Variants in NMNAT3 observed in about 807,000 individuals in gnomAD.
The protein encoded by NMNAT3 is nicotinamide/nicotinic acid mononucleotide adenylyltransferase 3.
NMNAT3 carries 21 observed loss-of-function variants against 24.8 expected under a neutral mutation model. The ratio of observed to expected loss-of-function variants is 0.85; its 90% CI spans 0.60 to 1.22. NMNAT3 has a LOEUF of 1.22. NMNAT3 is among the 50% of genes most tolerant of loss of function. NMNAT3 has a pLI of 0.00. For synonymous variants in NMNAT3, 136 were observed against 155.2 expected, an observed-to-expected ratio of 0.88 and a Z score of 0.92; for missense variants, 387 against 436.6, an observed-to-expected ratio of 0.89 and a Z score of 1.01.
intron 1 of NMNAT3, among the ~76,000 whole-genome samples, chr3:139,657,911 C>G (rs553085883): frequency 1.3e-5 from 2 of 151,888 alleles, no homozygotes; most frequent in East Asian, 3.9e-4. Context: ...TGAGTGTGCT[C>G]TGGGGCTCCC....
intron 1 of NMNAT3, among the ~76,000 whole-genome samples, chr3:139,643,434 C>T (rs2056772009): frequency 6.6e-6 from 1 of 152,194 alleles, no homozygotes; most frequent in Admixed American, 6.5e-5. Context: ...CAGCATTATT[C>T]ACAGTAGCCA....
intron 3 of NMNAT3, among the ~76,000 whole-genome samples, chr3:139,595,790 C>A (rs1460056391): frequency 6.6e-6 from 1 of 152,152 alleles, no homozygotes; most frequent in African/African-American, 2.4e-5. Context: ...CCCTTCCTTA[C>A]ACCTTATACA....
chr3:139,659,750 C>G (rs2057356329), intron 1 of NMNAT3, among the ~76,000 whole-genome samples: 1 of 152,214 alleles, frequency 6.6e-6, no homozygotes, highest in South Asian at 2.1e-4. Flanking sequence ...CCCCACAACC[C>G]AAGCCTTTCA....
chr3:139,623,869 G>A (rs1208617303), intron 3 of NMNAT3, among the ~76,000 whole-genome samples: 1 of 152,132 alleles, frequency 6.6e-6, no homozygotes, highest in African/African-American at 2.4e-5. Flanking sequence ...GAACCACCAT[G>A]CCCGGCCTAT....
intron 3 of NMNAT3, among the ~76,000 whole-genome samples, chr3:139,601,278 G>A (rs1019231587): frequency 1.3e-5 from 2 of 152,212 alleles, no homozygotes; most frequent in African/African-American, 4.8e-5. Context: ...GCAGTAACAG[G>A]AATTTGAGGT....
intron 3 of NMNAT3, among the ~76,000 whole-genome samples, chr3:139,597,512 C>G (rs1215184060): frequency 2.0e-5 from 3 of 152,176 alleles, no homozygotes; most frequent in Non-Finnish European, 4.4e-5. Context: ...TAACCTACTA[C>G]TTTATATGGG....
intron 3 of NMNAT3, among the ~76,000 whole-genome samples, chr3:139,586,755 G>A (rs549515386): frequency 1.2e-3 from 180 of 152,242 alleles, no homozygotes; most frequent in African/African-American, 3.5e-3. Context: ...CAGAAAACCC[G>A]GGGAATCAGA....
intron 3 of NMNAT3, among the ~76,000 whole-genome samples, chr3:139,620,755 C>G (rs893009978): frequency 1.6e-4 from 25 of 151,936 alleles, no homozygotes; most frequent in Admixed American, 5.9e-4. Flanking sequence ...ACTCTGTTGT[C>G]CTGATATCAC....
intron 2 of NMNAT3, among the ~76,000 whole-genome samples, chr3:139,634,131 C>T (rs1241222426): frequency 6.6e-6 from 1 of 152,214 alleles, no homozygotes; most frequent in Non-Finnish European, 1.5e-5. Context: ...AGTGTGCACC[C>T]CTCAGCCCAT....
Position 139,560,891 on chromosome 3 carries a change from T to G in NMNAT3, c.*119A>C. ...GAAGACTCCTCAGAAGTAGAATCAC[T>G]GTAGAAATAAAGCAAATGAAAAATG... On this transcript the variant is annotated 3_prime_UTR_variant, in exon 7 of 7. Transcript: ENST00000643695. 2 of 999,616 alleles carry G rather than the reference T, an allele frequency of 2.0e-6. No homozygotes were observed. The highest frequency in any genetic ancestry group is 1.6e-5 in the South Asian group (1 of 63,168). 61.9% of individuals were successfully genotyped at this position (999,616 alleles called of 1,614,324 possible).
At chr3:139,591,561 A>G (rs1490851818) in intron 3 of NMNAT3, among the ~76,000 whole-genome samples, 62 of 152,280 alleles carry the variant, frequency 4.1e-4, no homozygotes, top group African/African-American at 1.5e-3. Flanking sequence ...GCAGACTTAA[A>G]TGTCCCTGTC....
intron 3 of NMNAT3, among the ~76,000 whole-genome samples, chr3:139,590,259 G>T (rs1010240211): frequency 1.3e-5 from 2 of 152,168 alleles, no homozygotes; most frequent in African/African-American, 4.8e-5. Flanking sequence ...AAAACCCAAA[G>T]TTTATATGGG....
chr3:139,596,951 T>C (rs2054503998), intron 3 of NMNAT3, among the ~76,000 whole-genome samples: 1 of 114,560 alleles, frequency 8.7e-6, no homozygotes, highest in African/African-American at 4.4e-5. Flanking sequence ...TATATATATA[T>C]ATATATATAT....
At chr3:139,602,906 CT>C (rs1480809792) in intron 3 of NMNAT3, among the ~76,000 whole-genome samples, 4 of 152,206 alleles carry the variant, frequency 2.6e-5, no homozygotes, top group Admixed American at 2.6e-4. Context: ...TTAAGATGAT[CT>C]TTTCCACTTT....
At chr3:139,674,382 A>G (rs1384820540) in intron 1 of NMNAT3, among the ~76,000 whole-genome samples, 2 of 152,168 alleles carry the variant, frequency 1.3e-5, no homozygotes, top group African/African-American at 2.4e-5. Context: ...AGCTAAACCA[A>G]TGGGGCAGGA....
chr3:139,580,442 G>A (rs574377881), intron 4 of NMNAT3, among the ~76,000 whole-genome samples: 31 of 152,110 alleles, frequency 2.0e-4, no homozygotes, highest in Non-Finnish European at 3.8e-4. Flanking sequence ...ATTTTTTTCT[G>A]AGTGTTTTGT....
intron 3 of NMNAT3, among the ~76,000 whole-genome samples, chr3:139,586,464 G>GC (rs909519915): frequency 1.3e-5 from 2 of 151,786 alleles, no homozygotes; most frequent in African/African-American, 4.9e-5. Context: ...AGTGTAGGCT[G>GC]CCCCCCTGGA....
At chr3:139,566,567 A>T (rs1328295715) in intron 6 of NMNAT3, 1 of 152,160 alleles carries the variant, frequency 6.6e-6, no homozygotes, top group Non-Finnish European at 1.5e-5. Flanking sequence ...ATCCAGTTTC[A>T]GCTTTCTACA....
chr3:139,571,059 TC>T, intron 6 of NMNAT3: 1 of 153,170 alleles, frequency 6.5e-6, no homozygotes, highest in Non-Finnish European at 1.5e-5. Flanking sequence ...CGGGCACCCC[TC>T]CCCCAGCCTC....
Sources: gnomAD v4.1 joint callset for allele counts (sites outside exome capture counted in the v4.1 genomes callset) on GRCh38, gnomAD v4.1.1 for gene constraint, MANE v1.5 for transcripts, NCBI Gene and HGNC (gene_info 2026-07-23, HGNC 2026-07-21) for gene names.